Variants in GNB1L observed in about 807,000 individuals in gnomAD.
The protein encoded by GNB1L is guanine nucleotide-binding protein subunit beta-like protein 1.
A neutral mutation model predicts 29.1 loss-of-function variants in GNB1L; 20 were observed. The observed-to-expected ratio is 0.69, with a 90% CI of 0.48 to 1.00. The LOEUF (loss-of-function observed/expected upper bound fraction) is 1.00, where lower values mean the gene tolerates loss of function less well. Among genes scored for constraint, GNB1L ranks in the 50% least tolerant of loss-of-function variants. The pLI, the probability that GNB1L is intolerant of heterozygous loss-of-function variation, is 0.00. For synonymous variants in GNB1L, 193 were observed against 206.5 expected (o/e 0.93, Z 0.56); for missense variants, 421 against 464.9 (o/e 0.91, Z 0.87).
intron 7 of GNB1L, among the ~76,000 whole-genome samples, chr22:19,791,450 C>T (rs1937252394): frequency 6.6e-6 from 1 of 152,214 alleles, no homozygotes; most frequent in African/African-American, 2.4e-5. Context: ...GGTGGGCCTC[C>T]CAAATGCCCC....
chr22:19,853,625 C>T (rs1222938289), intron 2 of GNB1L, among the ~76,000 whole-genome samples: 1 of 152,108 alleles, frequency 6.6e-6, no homozygotes, highest in Non-Finnish European at 1.5e-5. Flanking sequence ...CAGGTACCTC[C>T]CAGGGTGGCC....
intron 7 of GNB1L, among the ~76,000 whole-genome samples, chr22:19,795,755 G>A (rs997139564): frequency 2.0e-5 from 3 of 152,172 alleles, no homozygotes; most frequent in South Asian, 4.1e-4. Context: ...GCCAGGCTGG[G>A]AGCTGAATTC....
rs758651880 is a variant in GNB1L at position 19,821,402 on chromosome 22, T to C, written c.-20-27A>G. On this transcript the variant is annotated intron_variant, in intron 2 of 7. Transcript: ENST00000329517. ...TGGGCACCAAGGGAGGGCGTGTGAG[T>C]GACTGCGTCCCTATTCTCACCCTCT... 5 of 1,601,244 alleles carry C rather than the reference T, an allele frequency of 3.1e-6. No homozygotes were observed. The Admixed American group carries it at 8.4e-5, about 27-fold the overall frequency.
intron 2 of GNB1L, chr22:19,847,393 C>T: frequency 1.0e-6 from 1 of 985,452 alleles, no homozygotes. Context: ...TCCAGTTCTG[C>T]TGTTCAAAAA....
At chr22:19,814,345 C>T (rs538329100) in intron 4 of GNB1L, among the ~76,000 whole-genome samples, 60 of 152,266 alleles carry the variant, frequency 3.9e-4, no homozygotes, top group African/African-American at 1.3e-3. Context: ...TCAAACTCCT[C>T]GGCTTAAACG....
chr22:19,844,989 C>T (rs1937929951), intron 2 of GNB1L, among the ~76,000 whole-genome samples: 1 of 152,218 alleles, frequency 6.6e-6, no homozygotes, highest in South Asian at 2.1e-4. Flanking sequence ...GCTGGTGCCC[C>T]TGGCCTCGGG....
chr22:19,829,314 T>C (rs748343089), intron 2 of GNB1L, among the ~76,000 whole-genome samples: 2 of 152,170 alleles, frequency 1.3e-5, no homozygotes, highest in Non-Finnish European at 2.9e-5. Flanking sequence ...TGACTGTATA[T>C]TGGGTCACAA....
intron 4 of GNB1L, among the ~76,000 whole-genome samples, chr22:19,819,728 A>C (rs1937562859): frequency 2.0e-5 from 3 of 152,170 alleles, no homozygotes; most frequent in African/African-American, 7.2e-5. Flanking sequence ...CTGGACAAGT[A>C]ATCCCCAAGT....
At chr22:19,808,691 T>C (rs1345847703) in intron 5 of GNB1L, among the ~76,000 whole-genome samples, 3 of 152,168 alleles carry the variant, frequency 2.0e-5, no homozygotes, top group African/African-American at 7.2e-5. Flanking sequence ...TAGCCGTTCT[T>C]TGTCTTCTGC....
intron 2 of GNB1L, chr22:19,849,369 GTTGT>G (rs1341112668): frequency 1.3e-5 from 11 of 864,356 alleles, no homozygotes; most frequent in Non-Finnish European, 5.5e-6. Flanking sequence ...TTTGTTTTTT[GTTGT>G]TTTTTTTTTT....
chr22:19,851,116 A>G, intron 2 of GNB1L: 1 of 1,527,940 alleles, frequency 6.5e-7, no homozygotes. Flanking sequence ...CGCTCAAGCC[A>G]CACAGGCCAC....
chr22:19,819,390 G>A (rs1937560448), intron 4 of GNB1L, among the ~76,000 whole-genome samples: 1 of 152,230 alleles, frequency 6.6e-6, no homozygotes. Flanking sequence ...CTGGGCCCAT[G>A]GGATAGAGGC....
chr22:19,826,886 A>C (rs1937623446), intron 2 of GNB1L, among the ~76,000 whole-genome samples: 1 of 152,222 alleles, frequency 6.6e-6, no homozygotes, highest in African/African-American at 2.4e-5. Context: ...AGACACATCC[A>C]GGTTACGAGA....
chr22:19,848,607 A>G (rs1938021036), intron 2 of GNB1L: 12 of 985,372 alleles, frequency 1.2e-5, no homozygotes, highest in Admixed American at 6.1e-5. Flanking sequence ...GCAGAGCCCA[A>G]CCACAATAAA....
chr22:19,817,498 G>A (rs1174378056), intron 4 of GNB1L, among the ~76,000 whole-genome samples: 11 of 149,416 alleles, frequency 7.4e-5, no homozygotes, highest in Admixed American at 4.6e-4. Context: ...AAAAAAAAAC[G>A]TAAGAAAAAG....
rs138483899 is a variant in GNB1L, at chr22:19,788,825, C to T, written c.868G>A (p.Val290Met). The change falls in exon 8 of 8, where the codon GTG becomes ATG. Residue 290 changes from valine to methionine, a missense_variant. Transcript: ENST00000329517. ...FHWRTMQPLAVLAFHSAAVQC... is the reference protein window; with the variant it reads ...FHWRTMQPLAMLAFHSAAVQC... ...ACAGCGGCGCTGTGGAAGGCCAGCACGGCCAGTGGCTGCATCGTCCGCCAG... is the reference window on the plus strand; with the variant it reads ...ACAGCGGCGCTGTGGAAGGCCAGCATGGCCAGTGGCTGCATCGTCCGCCAG... 151 of 1,612,518 alleles carry T rather than the reference C, an allele frequency of 9.4e-5. No individual in the cohort carries two copies. Among genetic ancestry groups the T allele is most frequent in the Middle Eastern group, 1.7e-4 (1 of 6,054 alleles).
chr22:19,849,444 C>T (rs1938044096), intron 2 of GNB1L: 1 of 366,538 alleles, frequency 2.7e-6, no homozygotes, highest in Non-Finnish European at 3.8e-6. Context: ...TCTCGGCTCA[C>T]CACACCCTCT....
At chr22:19,831,065 A>G (rs1001699105) in intron 2 of GNB1L, among the ~76,000 whole-genome samples, 1 of 152,200 alleles carries the variant, frequency 6.6e-6, no homozygotes, top group Non-Finnish European at 1.5e-5. Context: ...CATTATTAAC[A>G]TGGTTGTGGA....
chr22:19,810,811 C>T (rs1937491238), intron 5 of GNB1L, among the ~76,000 whole-genome samples: 1 of 152,198 alleles, frequency 6.6e-6, no homozygotes, highest in African/African-American at 2.4e-5. Flanking sequence ...CAACTGTTTT[C>T]CCAGGATGTG....
Sources: allele counts gnomAD v4.1 joint callset (sites outside exome capture counted in the v4.1 genomes callset), GRCh38; gene constraint gnomAD v4.1.1; transcripts MANE v1.5; gene names NCBI Gene and HGNC (gene_info 2026-07-23, HGNC 2026-07-21).